Variants in ZNF609 observed in about 807,000 individuals in gnomAD.
ZNF609 encodes zinc finger protein 609.
Under a neutral mutation model 109.5 loss-of-function variants are expected in ZNF609, and 11 were observed. That is an observed-to-expected ratio of 0.10 (90% confidence interval 0.06 to 0.17). ZNF609 has a LOEUF of 0.17. Among genes scored for constraint, ZNF609 ranks in the 10% least tolerant of loss-of-function variants. The probability of loss-of-function intolerance (pLI) is 1.00; values close to 1 mark genes in which losing one functional copy is unlikely to be tolerated. For synonymous variants in ZNF609, 646 were observed against 662.0 expected, an observed-to-expected ratio of 0.98 and a Z score of 0.37; for missense variants, 1,559 against 1,772.4, an observed-to-expected ratio of 0.88 and a Z score of 2.16.
chr15:64,528,480 A>G (rs16948036), intron 2 of ZNF609, among the ~76,000 whole-genome samples: 28,530 of 151,442 alleles, frequency 0.19, 4,223 homozygotes, highest in African/African-American at 0.42. Flanking sequence ...GCTGAGCACA[A>G]GGCACTTTAT....
chr15:64,493,049 A>G (rs761284016), intron 1 of ZNF609, among the ~76,000 whole-genome samples: 6 of 152,264 alleles, frequency 3.9e-5, no homozygotes, highest in Non-Finnish European at 2.9e-5. Flanking sequence ...TCCAAAATCC[A>G]TAAGAAAAAG....
intron 4 of ZNF609, among the ~76,000 whole-genome samples, chr15:64,672,624 CA>C (rs147395815): frequency 2.4e-3 from 296 of 121,380 alleles, no homozygotes; most frequent in Non-Finnish European, 2.6e-3. Context: ...CACTCCATCT[CA>C]AAAAAAAAAA....
intron 2 of ZNF609, among the ~76,000 whole-genome samples, chr15:64,514,374 G>A (rs1183441122): frequency 1.3e-5 from 2 of 152,148 alleles, no homozygotes; most frequent in Non-Finnish European, 2.9e-5. Context: ...AATGATTATT[G>A]TAATATTTAC....
intron 3 of ZNF609, among the ~76,000 whole-genome samples, chr15:64,648,796 C>T (rs993485725): frequency 4.0e-5 from 6 of 151,206 alleles, no homozygotes; most frequent in South Asian, 2.1e-4. Context: ...ATATGTAACC[C>T]GTTGTATCTG....
At chr15:64,676,432 G>C (rs1259007441) in intron 5 of ZNF609, among the ~76,000 whole-genome samples, 176 bp downstream of exon 5, 1 of 150,222 alleles carries the variant, frequency 6.7e-6, no homozygotes, top group African/African-American at 2.5e-5. Flanking sequence ...TTTTATTTTA[G>C]TATTATTATT....
chr15:64,596,235 C>G (rs1895396614), intron 2 of ZNF609, among the ~76,000 whole-genome samples: 1 of 152,052 alleles, frequency 6.6e-6, no homozygotes, highest in Non-Finnish European at 1.5e-5. Context: ...CTCACTGCAC[C>G]CTCTGCCTCT....
intron 3 of ZNF609, among the ~76,000 whole-genome samples, chr15:64,647,417 A>C (rs1896351613): frequency 6.6e-6 from 1 of 152,182 alleles, no homozygotes; most frequent in African/African-American, 2.4e-5. Flanking sequence ...TTTATTGTTG[A>C]ACATTTAGGA....
At chr15:64,473,935 C>T (rs554718825) in intron 1 of ZNF609, among the ~76,000 whole-genome samples, 4 of 150,642 alleles carry the variant, frequency 2.7e-5, no homozygotes, top group Admixed American at 2.0e-4. Flanking sequence ...TCATTGCACT[C>T]GGCTAATTTT....
intron 2 of ZNF609, among the ~76,000 whole-genome samples, chr15:64,577,324 CACAAATATATACAT>C (rs1376431300): frequency 1.3e-4 from 3 of 23,952 alleles, no homozygotes; most frequent in African/African-American, 1.9e-4. Context: ...TATATATACA[CACAAATATATACAT>C]ATATATGTAT....
chr15:64,560,990 A>G (rs1435393900), intron 2 of ZNF609, among the ~76,000 whole-genome samples: 1 of 152,238 alleles, frequency 6.6e-6, no homozygotes, highest in East Asian at 1.9e-4. Context: ...AAATTCTGTT[A>G]CCAAGGCCCC....
At chr15:64,679,815 T>C (rs536210676) in intron 6 of ZNF609, among the ~76,000 whole-genome samples, 1 of 152,330 alleles carries the variant, frequency 6.6e-6, no homozygotes, top group East Asian at 1.9e-4. Context: ...ATTTATTTGC[T>C]CAAGGTTACC....
At chr15:64,574,366 A>G (rs1424178608) in intron 2 of ZNF609, among the ~76,000 whole-genome samples, 2 of 151,988 alleles carry the variant, frequency 1.3e-5, no homozygotes, top group East Asian at 1.9e-4. Context: ...GGCCTAGTAC[A>G]TACATGCTTC....
intron 1 of ZNF609, among the ~76,000 whole-genome samples, chr15:64,469,427 C>CAAA (rs34210041): frequency 6.8e-5 from 5 of 73,566 alleles, no homozygotes; most frequent in Admixed American, 1.9e-4. Context: ...ACCCTATTTC[C>CAAA]AAAAAAAAAA....
At chr15:64,523,114 C>T (rs1179806018) in intron 2 of ZNF609, among the ~76,000 whole-genome samples, 2 of 152,064 alleles carry the variant, frequency 1.3e-5, no homozygotes, top group South Asian at 2.1e-4. Flanking sequence ...TTTATAATAT[C>T]AGGTATAAGC....
chr15:64,578,669 G>C (rs1033728956), intron 2 of ZNF609, among the ~76,000 whole-genome samples: 4 of 152,156 alleles, frequency 2.6e-5, no homozygotes, highest in Admixed American at 6.6e-5. Flanking sequence ...TCTAGCCTGG[G>C]CGACGGAACA....
chr15:64,676,251 C>T lies in ZNF609; in HGVS notation c.3397C>T (p.Arg1133Ter). The T allele has an allele frequency of 6.3e-7, 1 of 1,598,176 alleles. No individual in the cohort carries two copies. Among genetic ancestry groups the T allele is most frequent in the Non-Finnish European group, 8.5e-7 (1 of 1,172,822 alleles). The change falls in exon 5 of 10, where the codon CGA becomes TGA. Residue 1133 changes from arginine to a stop codon, truncating the protein, a stop_gained. Transcript: ENST00000326648. LOFTEE classifies it high-confidence loss of function. ...AGAGATGGATCCAATACTCTGGTACCGACAGGTAACTGTTGCCCTGGGAGG... is the reference window on the plus strand; with the variant it reads ...AGAGATGGATCCAATACTCTGGTACTGACAGGTAACTGTTGCCCTGGGAGG... The part of the protein sequence containing the change: ...QAEMDPILWY[R>*]QEAEPRMWTY...
Position 64,524,580 on chromosome 15 carries a change from G to C in ZNF609, c.747+24414G>C, listed in dbSNP as rs374668213. Among the ~76,000 whole-genome samples the C allele has an allele frequency of 3.2e-4, 49 of 151,568 alleles. No individual in the cohort carries two copies. In the East Asian group the frequency reaches 8.9e-3, roughly 28 times the overall value. Reference sequence around the variant, plus strand: ...CTCCATCTCAAAAAAAAAAAAAAAGGGGGGGGCCTTTTGTGTCTGACTCCT... The same window carrying C: ...CTCCATCTCAAAAAAAAAAAAAAAGCGGGGGGCCTTTTGTGTCTGACTCCT... On this transcript the variant is annotated intron_variant, in intron 2 of 9. Transcript: ENST00000326648.
rs143823076 is a variant in ZNF609 at position 64,517,325 on chromosome 15, C to T, written c.747+17159C>T. On this transcript the variant is annotated intron_variant, in intron 2 of 9. Transcript: ENST00000326648. ...CCGGGAAGTGGAGGCTGCAGTGAGC[C>T]GAGATCATGCCACTGCATTCCAGCC... Among the ~76,000 whole-genome samples the T allele has an allele frequency of 5.0e-3, 766 of 152,176 alleles. 4 individuals are homozygous for T. The highest frequency in any genetic ancestry group is 0.017 in the African/African-American group (691 of 41,520).
intron 2 of ZNF609, among the ~76,000 whole-genome samples, chr15:64,524,563 C>CAA (rs539781729): frequency 8.0e-5 from 8 of 99,932 alleles, no homozygotes; most frequent in Non-Finnish European, 1.1e-4. Context: ...GACTCCATCT[C>CAA]AAAAAAAAAA....
Sources: gnomAD v4.1 joint callset for allele counts (sites outside exome capture counted in the v4.1 genomes callset) on GRCh38, gnomAD v4.1.1 for gene constraint, MANE v1.5 for transcripts, NCBI Gene and HGNC (gene_info 2026-07-23, HGNC 2026-07-21) for gene names.